The following TMTC1 variants were observed in gnomAD, a reference collection of about 807,000 sequenced individuals.
The protein encoded by TMTC1 is protein O-mannosyl-transferase TMTC1.
A neutral mutation model predicts 104.8 loss-of-function variants in TMTC1; 73 were observed. The observed-to-expected ratio is 0.70, with a 90% CI of 0.58 to 0.85. The LOEUF is 0.85. TMTC1 is among the 40% of genes least tolerant of loss of function. TMTC1 has a pLI of 0.00. For missense variants in TMTC1, 1,035 were observed against 1,096.1 expected, an observed-to-expected ratio of 0.94 and a Z score of 0.79; for synonymous variants, 434 against 428.7, an observed-to-expected ratio of 1.01 and a Z score of -0.15.
At chr12:29,605,694 G>A (rs1366708396) in intron 6 of TMTC1, among the ~76,000 whole-genome samples, 1 of 151,558 alleles carries the variant, frequency 6.6e-6, no homozygotes, top group Non-Finnish European at 1.5e-5. Context: ...AAACTGTATA[G>A]TTTATTTATT....
chr12:29,619,135 C>T (rs553913341), intron 6 of TMTC1, among the ~76,000 whole-genome samples: 2 of 152,104 alleles, frequency 1.3e-5, no homozygotes, highest in East Asian at 1.9e-4. Context: ...TCCATTATAC[C>T]ACTATCTAAG....
At chr12:29,684,364 T>A (rs1269924920) in intron 5 of TMTC1, among the ~76,000 whole-genome samples, 1 of 152,178 alleles carries the variant, frequency 6.6e-6, no homozygotes, top group African/African-American at 2.4e-5. Context: ...GTAAATAATT[T>A]CAGAAAAATT....
chr12:29,529,723 T>G (rs774029022), intron 11 of TMTC1: 5 of 152,226 alleles, frequency 3.3e-5, no homozygotes, highest in Non-Finnish European at 7.3e-5. Context: ...GTCATCAGTA[T>G]GAGCATTTAT....
chr12:29,764,706 T>A (rs553481782), intron 2 of TMTC1, among the ~76,000 whole-genome samples: 1 of 152,210 alleles, frequency 6.6e-6, no homozygotes, highest in African/African-American at 2.4e-5. Flanking sequence ...CAGAACCTTA[T>A]GAATGTAAGC....
At chr12:29,511,901 CT>C in intron 17 of TMTC1, 141 bp downstream of exon 17, 1 of 838,604 alleles carries the variant, frequency 1.2e-6, no homozygotes, top group African/African-American at 1.7e-5. Context: ...AGCTATTTCA[CT>C]TTTAAACTGC....
intron 5 of TMTC1, among the ~76,000 whole-genome samples, chr12:29,711,961 C>A (rs751728484): frequency 3.9e-5 from 5 of 128,232 alleles, no homozygotes; most frequent in African/African-American, 1.2e-4. Flanking sequence ...GAGCCCAGAT[C>A]GTGCCACTGC....
intron 8 of TMTC1, 112 bp from the exon 9 acceptor site, chr12:29,572,330 T>G: frequency 1.1e-6 from 1 of 893,580 alleles, no homozygotes; most frequent in Non-Finnish European, 1.7e-6. Flanking sequence ...CGTTGTATTC[T>G]AAAACAAGGC....
intron 8 of TMTC1, among the ~76,000 whole-genome samples, chr12:29,577,664 C>T (rs1446536224): frequency 6.6e-6 from 1 of 152,112 alleles, no homozygotes; most frequent in Non-Finnish European, 1.5e-5. Flanking sequence ...GACAGTATTG[C>T]ATTTCTACAA....
intron 5 of TMTC1, among the ~76,000 whole-genome samples, chr12:29,645,181 T>C (rs1939211625): frequency 1.3e-5 from 2 of 152,230 alleles, no homozygotes; most frequent in South Asian, 4.1e-4. Context: ...CTTGAATTTA[T>C]ACTTTCATTT....
At chr12:29,597,148 C>T (rs574906106) in intron 7 of TMTC1, among the ~76,000 whole-genome samples, 1 of 152,166 alleles carries the variant, frequency 6.6e-6, no homozygotes, top group South Asian at 2.1e-4. Context: ...GTGTCCAGGG[C>T]CTCATTTCCT....
At chr12:29,626,160 G>A (rs1439632776) in intron 6 of TMTC1, among the ~76,000 whole-genome samples, 4 of 152,064 alleles carry the variant, frequency 2.6e-5, no homozygotes, top group Non-Finnish European at 5.9e-5. Context: ...TATTGAGTGG[G>A]GCAAGTTCTT....
At chr12:29,542,583 A>C (rs1212569536) in intron 10 of TMTC1, among the ~76,000 whole-genome samples, 2 of 152,150 alleles carry the variant, frequency 1.3e-5, no homozygotes, top group African/African-American at 4.8e-5. Flanking sequence ...GCCAGGACTG[A>C]TAAGATTCAG....
At chr12:29,694,814 C>T (rs1449647306) in intron 5 of TMTC1, among the ~76,000 whole-genome samples, 2 of 152,106 alleles carry the variant, frequency 1.3e-5, no homozygotes, top group Non-Finnish European at 2.9e-5. Context: ...ATGGTGGGTG[C>T]CTGTAATCCC....
intron 8 of TMTC1, among the ~76,000 whole-genome samples, chr12:29,576,238 G>C (rs541361974): frequency 6.6e-6 from 1 of 152,208 alleles, no homozygotes; most frequent in South Asian, 2.1e-4. Context: ...TTGCTGTGTG[G>C]AAGTTTTTTA....
intron 6 of TMTC1, among the ~76,000 whole-genome samples, chr12:29,608,109 A>C (rs555246238): frequency 1.6e-4 from 25 of 152,330 alleles, no homozygotes; most frequent in African/African-American, 5.3e-4. Context: ...GAGAGATTAA[A>C]AATATTCAAG....
intron 7 of TMTC1, among the ~76,000 whole-genome samples, chr12:29,596,772 G>A (rs1946415651): frequency 6.6e-6 from 1 of 152,160 alleles, no homozygotes; most frequent in South Asian, 2.1e-4. Flanking sequence ...AAAGAATGAA[G>A]CCATAAAACA....
intron 5 of TMTC1, among the ~76,000 whole-genome samples, chr12:29,653,774 A>G (rs897243766): frequency 2.6e-5 from 4 of 152,188 alleles, no homozygotes; most frequent in African/African-American, 4.8e-5. Flanking sequence ...ATGACCTCCA[A>G]TTCCATCATT....
At chr12:29,512,195 A>G in intron 16 of TMTC1, 75 bp from the exon 17 acceptor site, 1 of 1,249,052 alleles carries the variant, frequency 8.0e-7, no homozygotes, top group Non-Finnish European at 1.1e-6. Flanking sequence ...CACTTTCTTC[A>G]CGTGTGAAAA....
At chr12:29,583,630 C>T (rs1188105118) in intron 7 of TMTC1, 56 bp from the exon 8 acceptor site, 1 of 1,471,652 alleles carries the variant, frequency 6.8e-7, no homozygotes, top group Non-Finnish European at 9.3e-7. Flanking sequence ...AGCTTCCCCC[C>T]AGAATTATCT....
Sources: gnomAD v4.1 joint callset for allele counts (sites outside exome capture counted in the v4.1 genomes callset) on GRCh38, gnomAD v4.1.1 for gene constraint, MANE v1.5 for transcripts, NCBI Gene and HGNC (gene_info 2026-07-23, HGNC 2026-07-21) for gene names.